The following MYO3A variants were observed in gnomAD, a reference collection of about 807,000 sequenced individuals.
MYO3A encodes myosin IIIA.
MYO3A carries 180 observed loss-of-function variants against 192.7 expected under a neutral mutation model. The ratio of observed to expected loss-of-function variants is 0.93; its 90% CI spans 0.83 to 1.06. The LOEUF (loss-of-function observed/expected upper bound fraction) is 1.06. Ranked by LOEUF, MYO3A falls within the 50% of genes least tolerant of loss-of-function variation. MYO3A has a pLI of 0.00. For missense variants in MYO3A, 1,896 were observed against 1,905.0 expected (o/e 1.00, Z 0.09); for synonymous variants, 628 against 645.3 (o/e 0.97, Z 0.41).
At chr10:26,079,738 T>G (rs998437021) in intron 14 of MYO3A, among the ~76,000 whole-genome samples, 4 of 152,220 alleles carry the variant, frequency 2.6e-5, no homozygotes, top group Non-Finnish European at 5.9e-5. Flanking sequence ...TCTCAGCATT[T>G]GTTCATCTGA....
At chr10:26,053,801 G>A (rs1844150444) in intron 10 of MYO3A, among the ~76,000 whole-genome samples, 1 of 151,570 alleles carries the variant, frequency 6.6e-6, no homozygotes, top group South Asian at 2.1e-4. Context: ...CTCCAGCCAA[G>A]GCAACAGTGT....
At chr10:26,074,917 G>A (rs1328893531) in intron 14 of MYO3A, among the ~76,000 whole-genome samples, 5 of 151,876 alleles carry the variant, frequency 3.3e-5, no homozygotes, top group Non-Finnish European at 4.4e-5. Flanking sequence ...GATTTTTTGT[G>A]TATGGTATAA....
chr10:25,964,651 T>C (rs571360183), intron 4 of MYO3A, among the ~76,000 whole-genome samples: 42 of 152,328 alleles, frequency 2.8e-4, no homozygotes, highest in African/African-American at 9.6e-4. Flanking sequence ...CACAGTGTTA[T>C]AATATTCTGT....
chr10:26,146,787 C>T (rs1840488244), intron 22 of MYO3A, among the ~76,000 whole-genome samples: 1 of 152,100 alleles, frequency 6.6e-6, no homozygotes, highest in Non-Finnish European at 1.5e-5. Context: ...ATCATTTCCA[C>T]AAAAATCTTT....
At chr10:26,201,004 C>A in intron 32 of MYO3A, 1 of 190,866 alleles carries the variant, frequency 5.2e-6, no homozygotes, top group Non-Finnish European at 1.1e-5. Flanking sequence ...TTATATTGGT[C>A]ACTGTGTGGG....
intron 17 of MYO3A, among the ~76,000 whole-genome samples, chr10:26,112,700 C>G (rs1838266477): frequency 6.6e-6 from 1 of 152,142 alleles, no homozygotes; most frequent in Non-Finnish European, 1.5e-5. Context: ...GTTTACAGTT[C>G]ACGTGTGCAT....
intron 17 of MYO3A, among the ~76,000 whole-genome samples, chr10:26,112,947 G>T (rs1838280147): frequency 6.6e-6 from 1 of 151,990 alleles, no homozygotes; most frequent in Admixed American, 6.6e-5. Context: ...AATTTTCGGG[G>T]GGTTTTTTGC....
chr10:26,068,431 T>A (rs1834989829), intron 11 of MYO3A, among the ~76,000 whole-genome samples: 1 of 152,174 alleles, frequency 6.6e-6, no homozygotes, highest in Non-Finnish European at 1.5e-5. Context: ...TTCCCTTCCC[T>A]TTTCTCTTTA....
At chr10:26,010,846 A>T (rs1487620901) in intron 6 of MYO3A, among the ~76,000 whole-genome samples, 1 of 151,696 alleles carries the variant, frequency 6.6e-6, no homozygotes, top group African/African-American at 2.4e-5. Context: ...TGAGAAAACA[A>T]GAGCCTACAG....
chr10:26,209,292 T>TCTG lies in MYO3A; in HGVS notation c.4731-2549_4731-2547dup, dbSNP rs1176534397. ...TGTCCTGCAATTGTCCCCTCACTCT[T>TCTG]CTGCACCTTGAATGTTTGTTCTCTT... On this transcript the variant is annotated intron_variant, in intron 34 of 34. Coordinates refer to ENST00000642920, the MANE Select transcript of MYO3A (RefSeq NM_017433.5). Among the ~76,000 whole-genome samples, 11 of 152,360 alleles carry TCTG rather than the reference T, an allele frequency of 7.2e-5. No individual in the cohort carries two copies. In the East Asian group the frequency reaches 2.1e-3, roughly 29 times the overall value.
chr10:26,172,449 G>A (rs1842097870), intron 29 of MYO3A, among the ~76,000 whole-genome samples: 1 of 152,198 alleles, frequency 6.6e-6, no homozygotes, highest in African/African-American at 2.4e-5. Context: ...GCAACACAGA[G>A]TAGAGTTGCC....
At chr10:26,162,208 C>A (rs182295883) in intron 26 of MYO3A, among the ~76,000 whole-genome samples, 16 of 152,172 alleles carry the variant, frequency 1.1e-4, no homozygotes, top group African/African-American at 3.9e-4. Context: ...TGAAAGAAGA[C>A]CGGGTATTTT....
chr10:26,167,727 C>T (rs2132001124), intron 27 of MYO3A, among the ~76,000 whole-genome samples: 1 of 152,258 alleles, frequency 6.6e-6, no homozygotes, highest in African/African-American at 2.4e-5. Context: ...AATGTATTAA[C>T]ATCTAGAGTC....
chr10:26,164,639 G>A (rs898142479), intron 26 of MYO3A, among the ~76,000 whole-genome samples: 3 of 152,168 alleles, frequency 2.0e-5, no homozygotes, highest in African/African-American at 7.2e-5. Context: ...GGCTGAGTCA[G>A]GAATCCACAC....
At chr10:26,023,571 A>T in intron 8 of MYO3A, 1 of 170,468 alleles carries the variant, frequency 5.9e-6, no homozygotes, top group Non-Finnish European at 1.3e-5. Flanking sequence ...ACAGAACAAC[A>T]ACTCATAAGG....
intron 15 of MYO3A, among the ~76,000 whole-genome samples, chr10:26,091,409 A>C (rs1836691730): frequency 6.6e-6 from 1 of 152,208 alleles, no homozygotes; most frequent in African/African-American, 2.4e-5. Context: ...GAGGCTACTT[A>C]ATTTCAAGAA....
At chr10:25,936,468 A>G (rs1836070636) in intron 2 of MYO3A, among the ~76,000 whole-genome samples, 1 of 152,198 alleles carries the variant, frequency 6.6e-6, no homozygotes, top group South Asian at 2.1e-4. Context: ...TTTATAAACA[A>G]GGATCCTTTC....
intron 2 of MYO3A, among the ~76,000 whole-genome samples, chr10:25,950,452 CA>C (rs891651349): frequency 2.0e-4 from 30 of 152,106 alleles, no homozygotes; most frequent in Admixed American, 1.2e-3. Flanking sequence ...AATATACAAA[CA>C]ACAGAAGTGC....
rs987498144 is a variant in MYO3A at position 26,020,435 on chromosome 10, A to G, written c.586-1068A>G. Among the ~76,000 whole-genome samples, 43 of 152,182 alleles carry G rather than the reference A, an allele frequency of 2.8e-4. 1 individual carries two copies. The highest frequency in any genetic ancestry group is 2.0e-4 in the Admixed American group (3 of 15,278). ...TTACCAACTGAATTCTAGTGTGCCC[A>G]CACATGGATTTTTTAAATGTGTTAA... is the stretch of plus-strand genomic sequence containing the variant. On this transcript the variant is annotated intron_variant, in intron 7 of 34. Coordinates refer to ENST00000642920, the MANE Select transcript of MYO3A (RefSeq NM_017433.5).
Sources: allele counts gnomAD v4.1 joint callset (sites outside exome capture counted in the v4.1 genomes callset), GRCh38; gene constraint gnomAD v4.1.1; transcripts MANE v1.5; gene names NCBI Gene and HGNC (gene_info 2026-07-23, HGNC 2026-07-21).